IL7R: variants seen among roughly 807,000 people sequenced by gnomAD.
IL7R encodes interleukin-7 receptor subunit alpha.
In IL7R, 38 loss-of-function variants were observed where a neutral mutation model predicts 47.0. The ratio of observed to expected loss-of-function variants is 0.81; its 90% CI spans 0.62 to 1.06. IL7R has a LOEUF of 1.06. IL7R is among the 50% of genes least tolerant of loss of function. The probability of loss-of-function intolerance (pLI) is 0.00; values close to 1 mark genes in which losing one functional copy is unlikely to be tolerated. For missense variants in IL7R, 633 were observed against 534.8 expected (o/e 1.18, Z -1.81); for synonymous variants, 221 against 199.8 (o/e 1.11, Z -0.89).
At position 35,873,334 on chromosome 5, in the gene IL7R, C is replaced by G. The variant is rs144430079; in HGVS notation, c.538-146C>G. On this transcript the variant is annotated intron_variant, in intron 4 of 7. Transcript: ENST00000303115. The stretch of plus-strand genomic sequence containing the variant: ...CCTAATTTTGCTGTTGACTCCTTTA[C>G]GTATCAGAGCTCCTTATTCTAACAA... 21 of 733,244 alleles carry G rather than the reference C, an allele frequency of 2.9e-5. No homozygotes were observed. In the South Asian group the frequency reaches 2.9e-4, roughly 10 times the overall value. The allele number at this position is 733,244 out of a possible 1,614,324, so 45.4% of individuals were successfully genotyped here.
At chr5:35,860,577 A>G in intron 1 of IL7R, among the ~76,000 whole-genome samples, 1 of 152,196 alleles carries the variant, frequency 6.6e-6, no homozygotes. Flanking sequence ...TAACTCAGAA[A>G]TATTTGGAGG....
chr5:35,876,164 A>T lies in IL7R; in HGVS notation c.1058A>T (p.Asp353Val), dbSNP rs2149905608. ...CAGAGCCCCAACTGCCCATCTGAGG[A>T]TGTAGTCATCACTCCAGAAAGCTTT... ...DVQSPNCPSE[D>V]VVITPESFGR... is the part of the protein sequence containing the mutation. Residue 353 changes from aspartate (D) to valine (V), a missense_variant, in exon 8 of 8, where the codon GAT becomes GTT. Asp to Val is a radical substitution (Grantham distance 152). Transcript: ENST00000303115. 6.2e-7 allele frequency: 1 copy of T among 1,614,096 alleles called. No homozygotes were observed. Among genetic ancestry groups the T allele is most frequent in the Non-Finnish European group, 8.5e-7 (1 of 1,179,988 alleles).
chr5:35,873,061 G>C (rs1760112825), intron 4 of IL7R: 1 of 204,628 alleles, frequency 4.9e-6, no homozygotes, highest in Non-Finnish European at 1.0e-5. Context: ...GTGTGGTGGA[G>C]ACTTTTGTCT....
intron 1 of IL7R, among the ~76,000 whole-genome samples, chr5:35,859,164 T>C (rs1328181655): frequency 6.6e-6 from 1 of 152,162 alleles, no homozygotes; most frequent in African/African-American, 2.4e-5. Context: ...TCATTGTATA[T>C]TGTATGCTTT....
chr5:35,867,431 T>C lies in IL7R; in HGVS notation c.347T>C (p.Leu116Pro), dbSNP rs1454660033. 1.2e-6 allele frequency: 2 copies of C among 1,613,278 alleles called. No individual in the cohort carries two copies. Among genetic ancestry groups the C allele is most frequent in the Non-Finnish European group, 1.7e-6 (2 of 1,179,562 alleles). The change falls in exon 3 of 8, where the codon CTA (leucine) becomes CCA (proline). Residue 116 changes from leucine (L) to proline (P), a missense_variant. By Grantham distance (98) the Leu-to-Pro change is moderately conservative. Transcript: ENST00000303115. ...NICVKVGEKS[L>P]TCKKIDLTTI... ...TGTGTGAAGGTTGGAGAAAAGAGTC[T>C]AACCTGCAAAAAAATAGACCTAACC...
In IL7R at chr5:35,876,348, G is replaced by A. The variant is rs755492743; in HGVS notation, c.1242G>A (p.Thr414=). 17 of 1,613,082 alleles carry A rather than the reference G, an allele frequency of 1.1e-5. No individual in the cohort carries two copies. The highest frequency in any genetic ancestry group is 4.5e-5 in the East Asian group (2 of 44,882). ...TTAGCCTTGGGACTACAAACAGCAC[G>A]CTGCCCCCTCCATTTTCTCTCCAAT... ...LLLSLGTTNS[T]LPPPFSLQSG... Residue 414 remains threonine, a synonymous_variant, in exon 8 of 8, where the codon ACG becomes ACA. Coordinates refer to ENST00000303115, the MANE Select transcript of IL7R (RefSeq NM_002185.5).
chr5:35,866,057 A>T (rs1048885753), intron 2 of IL7R, among the ~76,000 whole-genome samples: 1 of 152,156 alleles, frequency 6.6e-6, no homozygotes, highest in African/African-American at 2.4e-5. Context: ...AGGCTTTTGT[A>T]AATGCTCTTT....
chr5:35,874,209 C>A (rs11567766), intron 5 of IL7R, among the ~76,000 whole-genome samples: 10 of 152,162 alleles, frequency 6.6e-5, no homozygotes, highest in Admixed American at 2.6e-4. Flanking sequence ...GCATTGGTAC[C>A]TTTGATGCTA....
At position 35,874,454 on chromosome 5, in the gene IL7R, A is replaced by G; in HGVS notation, c.712A>G (p.Met238Val). The change falls in exon 6 of 8, where the codon ATG becomes GTG. Residue 238 changes from methionine to valine, a missense_variant. Coordinates refer to ENST00000303115, the MANE Select transcript of IL7R (RefSeq NM_002185.5). Reference sequence around the variant, plus strand: ...AATCTATTCTTGCTTTCCAGGGGAGATGGATCCTATCTTACTAACCATCAG... The same window carrying G: ...AATCTATTCTTGCTTTCCAGGGGAGGTGGATCCTATCTTACTAACCATCAG... ...TPEINNSSGE[M>V]DPILLTISIL... The G allele has an allele frequency of 6.2e-7, 1 of 1,606,312 alleles. No individual in the cohort carries two copies. Among genetic ancestry groups the G allele is most frequent in the Non-Finnish European group, 8.5e-7 (1 of 1,172,868 alleles).
At chr5:35,874,695 A>G (rs949475014) in intron 6 of IL7R, among the ~76,000 whole-genome samples, 153 bp downstream of exon 6, 4 of 152,174 alleles carry the variant, frequency 2.6e-5, no homozygotes, top group African/African-American at 9.7e-5. Flanking sequence ...GCGAATTTCC[A>G]CAGTTAATTT....
Position 35,876,196 on chromosome 5 carries a change from G to A in IL7R, c.1090G>A (p.Asp364Asn), listed in dbSNP as rs149811361. The A allele has an allele frequency of 6.2e-7, 1 of 1,614,154 alleles. No individual in the cohort carries two copies. Among genetic ancestry groups the A allele is most frequent in the Non-Finnish European group, 8.5e-7 (1 of 1,180,020 alleles). ...CATCACTCCAGAAAGCTTTGGAAGA[G>A]ATTCATCCCTCACATGCCTGGCTGG... ...VVITPESFGR[D>N]SSLTCLAGNV... is the part of the protein sequence containing the mutation. The change falls in exon 8 of 8, where the codon GAT becomes AAT. Residue 364 changes from aspartate to asparagine, a missense_variant. Coordinates refer to ENST00000303115, the MANE Select transcript of IL7R (RefSeq NM_002185.5).
intron 3 of IL7R, among the ~76,000 whole-genome samples, chr5:35,867,913 CAA>C (rs10586617): frequency 0.69 from 104,164 of 150,654 alleles, 36,475 homozygotes; most frequent in African/African-American, 0.8. Context: ...GAGTTTTCTA[CAA>C]AAAAAAAAGG....
chr5:35,862,187 G>A (rs1759837805), intron 2 of IL7R, among the ~76,000 whole-genome samples: 2 of 150,956 alleles, frequency 1.3e-5, no homozygotes, highest in Admixed American at 1.3e-4. Flanking sequence ...CCAGTTCGAT[G>A]TCCACAATCT....
intron 1 of IL7R, among the ~76,000 whole-genome samples, chr5:35,858,811 A>T (rs1759726792): frequency 6.6e-6 from 1 of 152,176 alleles, no homozygotes; most frequent in South Asian, 2.1e-4. Flanking sequence ...CCATTCAGTG[A>T]TTGCTCATAG....
At position 35,879,208 on chromosome 5, in the gene IL7R, C is replaced by T. The variant is rs1760291206; in HGVS notation, c.*2722C>T. ...CAAACATGACTGGGTCTAGGGCACC[C>T]AGGCTGATTCAGCTGATTTCCTACC... On this transcript the variant is annotated 3_prime_UTR_variant, in exon 8 of 8. Transcript: ENST00000303115. 8.6e-6 allele frequency: 2 copies of T among 232,980 alleles called. No homozygotes were observed. Among genetic ancestry groups the T allele is most frequent in the African/African-American group, 4.4e-5 (2 of 45,348 alleles). The allele number at this position is 232,980 out of a possible 1,614,324, so 14.4% of individuals were successfully genotyped here. A position where few individuals can be genotyped will look rare whatever the true frequency, so the allele number is the denominator to read the frequency against.
rs200332345 is a variant in IL7R at position 35,871,118 on chromosome 5, G to A, written c.442G>A (p.Val148Met). The change falls in exon 4 of 8, where the codon GTG becomes ATG. Residue 148 changes from valine (V) to methionine (M), a missense_variant. Val to Met is a conservative substitution (Grantham distance 21). Coordinates refer to ENST00000303115, the MANE Select transcript of IL7R (RefSeq NM_002185.5). ...VYREGANDFVVTFNTSHLQKK... is the reference protein window; with the variant it reads ...VYREGANDFVMTFNTSHLQKK... ...TCGGGAAGGAGCCAATGACTTTGTGGTGACATTTAATACATCACACTTGCA... is the reference window on the plus strand; with the variant it reads ...TCGGGAAGGAGCCAATGACTTTGTGATGACATTTAATACATCACACTTGCA... 1.9e-6 allele frequency: 3 copies of A among 1,611,498 alleles called. No individual in the cohort carries two copies. The Admixed American group carries it at 5.0e-5, about 27-fold the overall frequency.
In IL7R at chr5:35,871,220, A is replaced by G. The variant is rs746163082; in HGVS notation, c.537+7A>G. 8.7e-6 allele frequency: 14 copies of G among 1,603,532 alleles called. No individual in the cohort carries two copies. The highest frequency in any genetic ancestry group is 1.7e-5 in the Admixed American group (1 of 59,944). On this transcript the variant is annotated splice_region_variant and intron_variant, in intron 4 of 7. Coordinates refer to ENST00000303115, the MANE Select transcript of IL7R (RefSeq NM_002185.5). ...GGATGAAAACAAATGGACGGTATGTAGTTCAACTACATTAATAAAATAAAA... is the reference window on the plus strand; with the variant it reads ...GGATGAAAACAAATGGACGGTATGTGGTTCAACTACATTAATAAAATAAAA...
At position 35,878,669 on chromosome 5, in the gene IL7R, C is replaced by A. The variant is rs753982280; in HGVS notation, c.*2183C>A. On this transcript the variant is annotated 3_prime_UTR_variant, in exon 8 of 8. Coordinates refer to ENST00000303115, the MANE Select transcript of IL7R (RefSeq NM_002185.5). The stretch of plus-strand genomic sequence containing the variant: ...AAAATCTCATGCCAGGTCTCTGATA[C>A]CTTATTCACAGAAGTTCTTTGAAGT... 4.4e-4 allele frequency: 102 copies of A among 232,560 alleles called. No individual in the cohort carries two copies. The highest frequency in any genetic ancestry group is 7.3e-4 in the Admixed American group (13 of 17,762). 14.4% of individuals were successfully genotyped at this position (232,560 alleles called of 1,614,324 possible).
At chr5:35,871,321 A>C (rs1041285489) in intron 4 of IL7R, 108 bp downstream of exon 4, 1 of 835,398 alleles carries the variant, frequency 1.2e-6, no homozygotes, top group Non-Finnish European at 2.0e-6. Context: ...TGCTTTCAAA[A>C]TCTACCTTCT....
Sources: gnomAD v4.1 joint callset for allele counts (sites outside exome capture counted in the v4.1 genomes callset) on GRCh38, gnomAD v4.1.1 for gene constraint, MANE v1.5 for transcripts, NCBI Gene and HGNC (gene_info 2026-07-23, HGNC 2026-07-21) for gene names.